USP28: variants seen among roughly 807,000 people sequenced by gnomAD.
USP28 encodes ubiquitin specific peptidase 28, also known as ubiquitin carboxyl-terminal hydrolase 28.
Under a neutral mutation model 145.0 loss-of-function variants are expected in USP28, and 113 were observed. The observed-to-expected ratio is 0.78, with a 90% CI of 0.67 to 0.91. The LOEUF is 0.91. Among genes scored for constraint, USP28 ranks in the 40% least tolerant of loss-of-function variants. USP28 has a pLI of 0.00. For synonymous variants in USP28, 447 were observed against 450.9 expected, an observed-to-expected ratio of 0.99 and a Z score of 0.11; for missense variants, 1,201 against 1,289.6, an observed-to-expected ratio of 0.93 and a Z score of 1.05.
At chr11:113,828,682 C>T (rs1943645826) in intron 10 of USP28, among the ~76,000 whole-genome samples, 1 of 152,146 alleles carries the variant, frequency 6.6e-6, no homozygotes, top group Admixed American at 6.6e-5. Context: ...GTTAACTACC[C>T]ATGCTCTCCC....
chr11:113,820,830 C>A, intron 12 of USP28: 1 of 153,850 alleles, frequency 6.5e-6, no homozygotes, highest in Non-Finnish European at 1.5e-5. Flanking sequence ...TGCCTCCCCA[C>A]GTCACCAACA....
rs945889845 is a variant in USP28, at chr11:113,819,689, G to C, written c.1284-1852C>G. Reference sequence around the variant, plus strand: ...AAGGGAATAATTAGAATTTTTAGGGGCTTGGTTTACCAAGATAAAGACTAA... The same window carrying C: ...AAGGGAATAATTAGAATTTTTAGGGCCTTGGTTTACCAAGATAAAGACTAA... On this transcript the variant is annotated intron_variant, in intron 12 of 24. Coordinates refer to ENST00000003302, the Ensembl canonical transcript of USP28. 2.0e-5 allele frequency among the ~76,000 whole-genome samples: 3 copies of C among 152,184 alleles called. No individual in the cohort carries two copies. In the East Asian group the frequency reaches 5.8e-4, roughly 29 times the overall value.
At chr11:113,866,887 AACTC>A (rs1948305529) in intron 1 of USP28, among the ~76,000 whole-genome samples, 1 of 152,258 alleles carries the variant, frequency 6.6e-6, no homozygotes. Flanking sequence ...AGGTGTAAAT[AACTC>A]AAATGTCCGT....
At chr11:113,864,935 C>T (rs1948112949) in intron 1 of USP28, among the ~76,000 whole-genome samples, 1 of 152,096 alleles carries the variant, frequency 6.6e-6, no homozygotes. Context: ...CCTGTAAGCT[C>T]AAGCGATCCT....
chr11:113,870,812 G>A (rs535390568), intron 1 of USP28, among the ~76,000 whole-genome samples: 1 of 152,320 alleles, frequency 6.6e-6, no homozygotes, highest in Admixed American at 6.5e-5. Flanking sequence ...TGTATATTGA[G>A]TCTGAATACA....
chr11:113,863,643 C>CAA (rs71063528), intron 1 of USP28, among the ~76,000 whole-genome samples: 3 of 124,902 alleles, frequency 2.4e-5, no homozygotes, highest in Non-Finnish European at 4.9e-5. Context: ...GACCCTGTCT[C>CAA]AAAAAAAAAA....
chr11:113,805,403 A>G (rs1015064809), intron 19 of USP28, among the ~76,000 whole-genome samples: 4 of 151,636 alleles, frequency 2.6e-5, no homozygotes, highest in Non-Finnish European at 5.9e-5. Flanking sequence ...CTACAGGCAT[A>G]TACCACCATG....
intron 19 of USP28, among the ~76,000 whole-genome samples, chr11:113,805,608 T>C (rs1439563620): frequency 1.3e-5 from 2 of 152,172 alleles, no homozygotes; most frequent in East Asian, 3.8e-4. Flanking sequence ...GAAAAACAAA[T>C]ATTTAGTTTT....
At chr11:113,800,155 G>A (rs188852336) in intron 24 of USP28, among the ~76,000 whole-genome samples, 9 of 151,988 alleles carry the variant, frequency 5.9e-5, no homozygotes, top group Admixed American at 2.0e-4. Context: ...ACAGGTGCCC[G>A]CCACCACACC....
At chr11:113,807,033 A>C (rs1302540054) in intron 18 of USP28, among the ~76,000 whole-genome samples, 1 of 152,136 alleles carries the variant, frequency 6.6e-6, no homozygotes, top group Non-Finnish European at 1.5e-5. Context: ...GAAACTAGCG[A>C]CTATACAAAT....
At chr11:113,807,853 A>C (rs1366043050) in intron 18 of USP28, 98 bp downstream of exon 19, 3 of 842,450 alleles carry the variant, frequency 3.6e-6, no homozygotes, top group Non-Finnish European at 4.3e-6. Context: ...TTTTGCAACG[A>C]GAAAATATCA....
At chr11:113,856,264 C>A (rs1947039476) in intron 1 of USP28, among the ~76,000 whole-genome samples, 1 of 152,032 alleles carries the variant, frequency 6.6e-6, no homozygotes, top group Non-Finnish European at 1.5e-5. Flanking sequence ...AGATCAACAT[C>A]AATATACCCA....
chr11:113,811,787 A>G (rs1291067111), intron 16 of USP28, among the ~76,000 whole-genome samples: 2 of 152,214 alleles, frequency 1.3e-5, no homozygotes, highest in African/African-American at 4.8e-5. Context: ...AAAAGATGTC[A>G]CTAAAAACAA....
At chr11:113,821,791 A>C (rs1161033367) in intron 12 of USP28, 1 of 180,942 alleles carries the variant, frequency 5.5e-6, no homozygotes, top group Non-Finnish European at 1.2e-5. Flanking sequence ...AAAAGTTGCC[A>C]TTTCTTAACA....
intron 1 of USP28, among the ~76,000 whole-genome samples, chr11:113,873,949 T>C (rs1949084596): frequency 7.0e-6 from 1 of 143,536 alleles, no homozygotes; most frequent in African/African-American, 2.6e-5. Context: ...GAGACCATCC[T>C]GGCCAACACA....
At position 113,808,390 on chromosome 11, in the gene USP28, G is replaced by A. The variant is rs1940388357; in HGVS notation, c.2212C>T (p.His738Tyr). 2.5e-6 allele frequency: 4 copies of A among 1,613,982 alleles called. No individual in the cohort carries two copies. The highest frequency in any genetic ancestry group is 3.4e-6 in the Non-Finnish European group (4 of 1,180,034). ...GTTTGCTCCTTTACAATCACAGCATGCTCAGACGACAAGCAGCGAACCCCA... is the reference window on the plus strand; with the variant it reads ...GTTTGCTCCTTTACAATCACAGCATACTCAGACGACAAGCAGCGAACCCCA... The change falls in exon 18 of 25, where the codon CAT (histidine) becomes TAT (tyrosine). Residue 738 changes from histidine to tyrosine, a missense_variant. By Grantham distance (83) the His-to-Tyr change is moderately conservative. Transcript: ENST00000003302.
At chr11:113,862,312 A>T (rs1947777671) in intron 1 of USP28, among the ~76,000 whole-genome samples, 1 of 152,210 alleles carries the variant, frequency 6.6e-6, no homozygotes, top group Admixed American at 6.5e-5. Context: ...GCGCCACTGT[A>T]CTCCAGCCTG....
chr11:113,824,881 A>C (rs543839355), intron 11 of USP28, among the ~76,000 whole-genome samples: 5 of 151,248 alleles, frequency 3.3e-5, no homozygotes, highest in East Asian at 2.0e-4. Flanking sequence ...CGGTGAGCCA[A>C]GATCGCACCA....
chr11:113,823,998 A>G (rs1943003546), intron 11 of USP28, among the ~76,000 whole-genome samples: 1 of 152,214 alleles, frequency 6.6e-6, no homozygotes, highest in Non-Finnish European at 1.5e-5. Flanking sequence ...GCTGCCTTTT[A>G]GTTCCACATG....
Sources: allele counts gnomAD v4.1 joint callset (sites outside exome capture counted in the v4.1 genomes callset), GRCh38; gene constraint gnomAD v4.1.1; transcripts MANE v1.5; gene names NCBI Gene and HGNC (gene_info 2026-07-23, HGNC 2026-07-21).